MROH2B: variants seen among roughly 807,000 people sequenced by gnomAD.
MROH2B encodes maestro heat like repeat family member 2B.
In MROH2B, 177 loss-of-function variants were observed where a neutral mutation model predicts 208.6. The observed-to-expected ratio is 0.85, with a 90% confidence interval of 0.75 to 0.96. The LOEUF (loss-of-function observed/expected upper bound fraction) is 0.96, where lower values mean the gene tolerates loss of function less well. Ranked by LOEUF, MROH2B falls within the 40% of genes least tolerant of loss-of-function variation. The pLI is 0.00. For missense variants in MROH2B, 2,002 were observed against 1,878.7 expected, an observed-to-expected ratio of 1.07 and a Z score of -1.21; for synonymous variants, 728 against 659.0, an observed-to-expected ratio of 1.10 and a Z score of -1.60.
intron 24 of MROH2B, among the ~76,000 whole-genome samples, chr5:41,023,237 C>A (rs964868624): frequency 6.6e-6 from 1 of 152,138 alleles, no homozygotes; most frequent in African/African-American, 2.4e-5. Flanking sequence ...GATGATCAAA[C>A]TTCTCCGAGC....
At position 41,062,479 on chromosome 5, in the gene MROH2B, G is replaced by A. The variant is rs147535797; in HGVS notation, c.461-755C>T. 3.4e-3 allele frequency among the ~76,000 whole-genome samples: 513 copies of A among 152,204 alleles called. 1 individual carries two copies. The highest frequency in any genetic ancestry group is 0.012 in the African/African-American group (479 of 41,514). ...ATCAACATGGACACTTCTGATTTGC[G>A]TGATTTTCTGTGTCTGTGTCTATGT... On this transcript the variant is annotated intron_variant, in intron 5 of 41. Transcript: ENST00000399564.
intron 2 of MROH2B, among the ~76,000 whole-genome samples, chr5:41,068,651 A>C (rs915353010): frequency 6.6e-6 from 1 of 152,188 alleles, no homozygotes; most frequent in African/African-American, 2.4e-5. Flanking sequence ...TGCTTGTTAA[A>C]AATATATATT....
chr5:41,001,737 A>G (rs1315082038), intron 37 of MROH2B, among the ~76,000 whole-genome samples: 1 of 152,030 alleles, frequency 6.6e-6, no homozygotes, highest in African/African-American at 2.4e-5. Context: ...AGAAAAAAAA[A>G]AGAAAACAAG....
intron 2 of MROH2B, among the ~76,000 whole-genome samples, chr5:41,068,283 G>A (rs192204719): frequency 1.5e-3 from 229 of 152,186 alleles, no homozygotes; most frequent in African/African-American, 5.3e-3. Context: ...TATTTTCTGG[G>A]CCTGCCTAAC....
rs1214200657 is a variant in MROH2B, at chr5:41,049,101, C to T, written c.1542G>A (p.Leu514=). Residue 514 remains leucine, a splice_region_variant and synonymous_variant, in exon 15 of 42, where the codon CTG becomes CTA. Transcript: ENST00000399564. The part of the protein sequence containing the change: ...PSPQQLLARL[L]VISMPASLGE... ...CTTTGGTTCTTAGTAACTCACTCACCAGAAGTCTGGCCAGTAGCTGCTGTG... is the reference window on the plus strand; with the variant it reads ...CTTTGGTTCTTAGTAACTCACTCACTAGAAGTCTGGCCAGTAGCTGCTGTG... 2.5e-6 allele frequency: 4 copies of T among 1,595,636 alleles called. No individual in the cohort carries two copies. The highest frequency in any genetic ancestry group is 8.5e-7 in the Non-Finnish European group (1 of 1,170,076).
Position 41,037,990 on chromosome 5 carries a change from T to G in MROH2B, c.2214+746A>C, listed in dbSNP as rs556138784. Among the ~76,000 whole-genome samples, 49 of 152,320 alleles carry G rather than the reference T, an allele frequency of 3.2e-4. 1 individual carries two copies. The highest frequency in any genetic ancestry group is 1.1e-3 in the African/African-American group (47 of 41,576). On this transcript the variant is annotated intron_variant, in intron 21 of 41. Coordinates refer to ENST00000399564, the MANE Select transcript of MROH2B (RefSeq NM_173489.5). The stretch of plus-strand genomic sequence containing the variant: ...GGAAGACAGAATGATCAGATAAATT[T>G]CAACTCAGTTTGGTGGCTCCAAAGG...
chr5:41,065,302 G>C, intron 4 of MROH2B, 29 bp downstream of exon 4: 1 of 1,582,906 alleles, frequency 6.3e-7, no homozygotes, highest in Non-Finnish European at 8.6e-7. Context: ...TCATTTCCCA[G>C]GGAAAATTGG....
chr5:41,004,382 C>T lies in MROH2B; in HGVS notation c.4158G>A (p.Lys1386=), dbSNP rs747984774. The T allele has an allele frequency of 1.9e-6, 3 of 1,613,764 alleles. No homozygotes were observed. The highest frequency in any genetic ancestry group is 2.5e-6 in the Non-Finnish European group (3 of 1,179,864). ...LTDRDVSFYF[K]EIVLQTRTFF... ...AGGTCCTTGTTTGCAGCACTATTTC[C>T]TTGAAGTAGAAGCTCACGTCTCGGT... Residue 1386 remains lysine (K), a synonymous_variant, in exon 37 of 42, where the codon AAG becomes AAA. Coordinates refer to ENST00000399564, the MANE Select transcript of MROH2B (RefSeq NM_173489.5).
At chr5:41,050,937 T>C (rs1278345482) in intron 13 of MROH2B, 40 bp downstream of exon 13, 1 of 1,303,878 alleles carries the variant, frequency 7.7e-7, no homozygotes, top group Non-Finnish European at 1.1e-6. Context: ...TTTAAGAAGG[T>C]GATCAAAGTA....
intron 24 of MROH2B, among the ~76,000 whole-genome samples, chr5:41,026,588 T>C (rs967053914): frequency 3.9e-5 from 6 of 152,080 alleles, no homozygotes; most frequent in African/African-American, 1.2e-4. Flanking sequence ...GAAGAATCAA[T>C]ATCGTGAAAA....
intron 28 of MROH2B, among the ~76,000 whole-genome samples, chr5:41,017,202 CAATT>C (rs908899927): frequency 6.6e-6 from 1 of 152,146 alleles, no homozygotes; most frequent in African/African-American, 2.4e-5. Flanking sequence ...AACATGGACT[CAATT>C]AACCTGGACA....
chr5:41,036,105 T>C (rs922878964), intron 21 of MROH2B, among the ~76,000 whole-genome samples: 1 of 149,756 alleles, frequency 6.7e-6, no homozygotes, highest in African/African-American at 2.5e-5. Flanking sequence ...GGATAAACAA[T>C]GTGGGAGATA....
rs111959641 is a variant in MROH2B at position 41,005,413 on chromosome 5, A to C, written c.3864+118T>G. Reference sequence around the variant, plus strand: ...CAGTAGCTGGTCTCTCCTCTATGAAACCCCCCCCCCCCTTGAAGTCTCTCT... The same window carrying C: ...CAGTAGCTGGTCTCTCCTCTATGAACCCCCCCCCCCCCTTGAAGTCTCTCT... On this transcript the variant is annotated intron_variant, in intron 35 of 41. Transcript: ENST00000399564. 730 of 204,432 alleles carry C rather than the reference A, an allele frequency of 3.6e-3. 1 individual carries two copies. Among genetic ancestry groups the C allele is most frequent in the Middle Eastern group, 6.2e-3 (3 of 484 alleles). 12.7% of individuals were successfully genotyped at this position (204,432 alleles called of 1,614,324 possible). A position where few individuals can be genotyped will look rare whatever the true frequency, so the allele number is the denominator to read the frequency against.
intron 37 of MROH2B, among the ~76,000 whole-genome samples, chr5:41,002,654 A>G (rs1209517974): frequency 2.0e-5 from 3 of 152,170 alleles, no homozygotes; most frequent in African/African-American, 4.8e-5. Flanking sequence ...TTTTATGCAA[A>G]CGTGATGGAG....
intron 34 of MROH2B, among the ~76,000 whole-genome samples, chr5:41,006,516 CA>C (rs1741597983): frequency 6.6e-6 from 1 of 152,070 alleles, no homozygotes. Context: ...AATCATTATA[CA>C]AAAAAGATAC....
intron 24 of MROH2B, among the ~76,000 whole-genome samples, chr5:41,027,851 T>C (rs1742428291): frequency 6.6e-6 from 1 of 152,180 alleles, no homozygotes; most frequent in African/African-American, 2.4e-5. Flanking sequence ...TGGAATACTA[T>C]GCAGCCATAA....
In MROH2B at chr5:41,004,410, G is replaced by A. The variant is rs1561273089; in HGVS notation, c.4130C>T (p.Thr1377Ile). ...KALKKILELL[T>I]DRDVSFYFKE... is the part of the protein sequence containing the mutation. The stretch of plus-strand genomic sequence containing the variant: ...GAAGTAGAAGCTCACGTCTCGGTCT[G>A]TCAGCAGCTCCAGGATTTTTTTTAG... Residue 1377 changes from threonine (T) to isoleucine (I), a missense_variant, in exon 37 of 42, where the codon ACA (threonine) becomes ATA (isoleucine). Coordinates refer to ENST00000399564, the MANE Select transcript of MROH2B (RefSeq NM_173489.5). The A allele has an allele frequency of 1.9e-6, 3 of 1,614,014 alleles. No homozygotes were observed. Among genetic ancestry groups the A allele is most frequent in the South Asian group, 2.2e-5 (2 of 91,088 alleles).
At position 41,008,730 on chromosome 5, in the gene MROH2B, G is replaced by A; in HGVS notation, c.3484C>T (p.Leu1162=). Residue 1162 remains leucine, a synonymous_variant, in exon 33 of 42, where the codon CTG becomes TTG. Transcript: ENST00000399564. ...ACCAGCTTCAGGAGGAGAGTGAACA[G>A]CTCTGGATACAAGCCGGTGACAGAG... ...GTSVTGLYPE[L]FTLLLKLVSC... The A allele has an allele frequency of 1.2e-6, 2 of 1,613,808 alleles. No individual in the cohort carries two copies. Among genetic ancestry groups the A allele is most frequent in the Non-Finnish European group, 1.7e-6 (2 of 1,179,820 alleles).
chr5:41,055,694 G>A (rs761049838), intron 10 of MROH2B, 48 bp downstream of exon 10: 5 of 1,431,104 alleles, frequency 3.5e-6, no homozygotes, highest in South Asian at 3.4e-5. Flanking sequence ...GCTTCAGTCT[G>A]CTTCTTGGCA....
Sources: allele counts gnomAD v4.1 joint callset (sites outside exome capture counted in the v4.1 genomes callset), GRCh38; gene constraint gnomAD v4.1.1; transcripts MANE v1.5; gene names NCBI Gene and HGNC (gene_info 2026-07-23, HGNC 2026-07-21).